Variants in RBM20 observed in about 807,000 individuals in gnomAD.
RBM20 encodes RNA binding motif protein 20, also known as RNA-binding protein 20.
A neutral mutation model predicts 110.1 loss-of-function variants in RBM20; 51 were observed. The observed-to-expected ratio is 0.46, with a 90% CI of 0.37 to 0.59. The LOEUF is 0.59. RBM20 is among the 20% of genes least tolerant of loss of function. RBM20 has a pLI of 0.00. For missense variants in RBM20, 1,512 were observed against 1,574.9 expected (o/e 0.96, Z 0.68); for synonymous variants, 589 against 618.2 (o/e 0.95, Z 0.70).
chr10:110,728,164 C>CCCAGTAATT (rs1843584117), intron 1 of RBM20, among the ~76,000 whole-genome samples: 2 of 152,254 alleles, frequency 1.3e-5, no homozygotes, highest in South Asian at 4.1e-4. Flanking sequence ...TAGGTATATA[C>CCCAGTAATT]CCAGTAATGG....
intron 1 of RBM20, among the ~76,000 whole-genome samples, chr10:110,649,204 A>T (rs529796477): frequency 1.3e-5 from 2 of 152,064 alleles, no homozygotes; most frequent in Non-Finnish European, 2.9e-5. Context: ...ATGATTCCAC[A>T]TTATCCAGTT....
At chr10:110,747,296 T>G (rs375465267) in intron 1 of RBM20, among the ~76,000 whole-genome samples, 61 of 136,894 alleles carry the variant, frequency 4.5e-4, no homozygotes, top group African/African-American at 1.2e-3. Flanking sequence ...ACTCTTTTTT[T>G]GGGGGGGGGG....
intron 1 of RBM20, among the ~76,000 whole-genome samples, chr10:110,725,236 G>T (rs1843548541): frequency 6.6e-6 from 1 of 152,202 alleles, no homozygotes; most frequent in Admixed American, 6.5e-5. Flanking sequence ...GCTGATGAAA[G>T]CTTTGGACTT....
At chr10:110,673,072 A>G (rs1862285160) in intron 1 of RBM20, among the ~76,000 whole-genome samples, 1 of 152,210 alleles carries the variant, frequency 6.6e-6, no homozygotes, top group African/African-American at 2.4e-5. Flanking sequence ...TCATTAAAAA[A>G]TTCTGCAGTA....
chr10:110,645,023 G>C (rs903456320), intron 1 of RBM20, among the ~76,000 whole-genome samples: 5 of 152,118 alleles, frequency 3.3e-5, no homozygotes, highest in Admixed American at 1.3e-4. Context: ...GCGCGCGTGA[G>C]GGTGTGTAAG....
At chr10:110,653,223 A>G (rs1442409080) in intron 1 of RBM20, among the ~76,000 whole-genome samples, 2 of 152,242 alleles carry the variant, frequency 1.3e-5, no homozygotes, top group Non-Finnish European at 2.9e-5. Context: ...CTCCCAAGCC[A>G]GTTATAGGAA....
At chr10:110,695,827 T>C (rs897228070) in intron 1 of RBM20, among the ~76,000 whole-genome samples, 3 of 152,230 alleles carry the variant, frequency 2.0e-5, no homozygotes, top group African/African-American at 7.2e-5. Flanking sequence ...AGGGTAAGGA[T>C]GCAACTACTA....
chr10:110,752,270 A>G (rs1843863620), intron 1 of RBM20, among the ~76,000 whole-genome samples: 1 of 152,206 alleles, frequency 6.6e-6, no homozygotes. Flanking sequence ...CTTTTCCAGA[A>G]TGTCACATAG....
At chr10:110,660,905 G>A (rs567564877) in intron 1 of RBM20, among the ~76,000 whole-genome samples, 8 of 152,180 alleles carry the variant, frequency 5.3e-5, no homozygotes, top group South Asian at 2.1e-4. Flanking sequence ...CCCTGGTGCC[G>A]AAAAGGTTGG....
In RBM20 at chr10:110,835,956, G is replaced by C; in HGVS notation, c.3662G>C (p.Arg1221Pro). The C allele has an allele frequency of 2.3e-6, 3 of 1,318,680 alleles. No homozygotes were observed. Among genetic ancestry groups the C allele is most frequent in the Non-Finnish European group, 3.2e-6 (3 of 940,082 alleles). The allele number at this position is 1,318,680 out of a possible 1,614,324, so 81.7% of individuals were successfully genotyped here. ...CCAGAGGACAGCGGAATCGTGCCACGCTTCGAAAGGAAAAAGCTCTGATGC... is the reference window on the plus strand; with the variant it reads ...CCAGAGGACAGCGGAATCGTGCCACCCTTCGAAAGGAAAAAGCTCTGATGC... ...PRPEDSGIVP[R>P]FERKKL The change falls in exon 14 of 14, where the codon CGC becomes CCC. Residue 1221 changes from arginine (R) to proline (P), a missense_variant. This residue lies in a region of RBM20 where 358 missense variants were observed against 384.2 expected (regional missense o/e 0.93). Coordinates refer to ENST00000369519, the MANE Select transcript of RBM20 (RefSeq NM_001134363.3).
intron 5 of RBM20, among the ~76,000 whole-genome samples, chr10:110,794,523 A>T (rs987935156): frequency 2.6e-5 from 4 of 152,236 alleles, no homozygotes; most frequent in Non-Finnish European, 5.9e-5. Flanking sequence ...GCTACTCATG[A>T]TCACTGGAGG....
chr10:110,799,531 C>A (rs7086491), intron 6 of RBM20, among the ~76,000 whole-genome samples: 1 of 151,940 alleles, frequency 6.6e-6, no homozygotes, highest in Non-Finnish European at 1.5e-5. Flanking sequence ...TTCCATTAAT[C>A]GGTTACATGT....
At chr10:110,723,960 T>G (rs1045109917) in intron 1 of RBM20, among the ~76,000 whole-genome samples, 1 of 152,212 alleles carries the variant, frequency 6.6e-6, no homozygotes, top group Admixed American at 6.5e-5. Context: ...ATAATAGTAT[T>G]CATTTGTTAG....
At chr10:110,760,690 C>A (rs1173291975) in intron 1 of RBM20, among the ~76,000 whole-genome samples, 1 of 150,490 alleles carries the variant, frequency 6.6e-6, no homozygotes, top group Admixed American at 6.6e-5. Context: ...ATCTGCCTGC[C>A]TTGACCTCCC....
At chr10:110,801,645 C>T (rs1413361363) in intron 7 of RBM20, among the ~76,000 whole-genome samples, 1 of 151,414 alleles carries the variant, frequency 6.6e-6, no homozygotes, top group Non-Finnish European at 1.5e-5. Context: ...AGCAATTCTC[C>T]TTCCCCACCT....
intron 1 of RBM20, among the ~76,000 whole-genome samples, chr10:110,662,294 CA>C (rs1382962118): frequency 2.6e-5 from 4 of 152,182 alleles, no homozygotes; most frequent in African/African-American, 9.7e-5. Flanking sequence ...ACTAATCTAT[CA>C]TATTTTCAAA....
chr10:110,707,567 T>A (rs1862860123), intron 1 of RBM20, among the ~76,000 whole-genome samples: 2 of 152,226 alleles, frequency 1.3e-5, no homozygotes, highest in Admixed American at 6.5e-5. Flanking sequence ...AAAATATTAC[T>A]CAGCTATAAA....
chr10:110,765,745 C>A (rs532006668), intron 1 of RBM20, among the ~76,000 whole-genome samples: 1 of 152,130 alleles, frequency 6.6e-6, no homozygotes, highest in African/African-American at 2.4e-5. Context: ...ACGGCATGGA[C>A]GGGGTGTCTT....
chr10:110,833,467 C>T (rs980658148), intron 13 of RBM20, among the ~76,000 whole-genome samples: 11 of 149,678 alleles, frequency 7.3e-5, no homozygotes, highest in African/African-American at 2.2e-4. Flanking sequence ...AGGGCTGGGC[C>T]TGAGAGTCTG....
Sources: gnomAD v4.1 joint callset for allele counts (sites outside exome capture counted in the v4.1 genomes callset) on GRCh38, gnomAD v4.1.1 for gene constraint, gnomAD v4.1.1 regional missense constraint, MANE v1.5 for transcripts, NCBI Gene and HGNC (gene_info 2026-07-23, HGNC 2026-07-21) for gene names.